The following PIEZO2 variants were observed in gnomAD, a reference collection of about 807,000 sequenced individuals.
PIEZO2 encodes the protein piezo-type mechanosensitive ion channel component 2.
A neutral mutation model predicts 337.3 loss-of-function variants in PIEZO2; 172 were observed. That is an observed-to-expected ratio of 0.51 (90% confidence interval 0.45 to 0.58). The LOEUF (loss-of-function observed/expected upper bound fraction) is 0.58, where lower values mean the gene tolerates loss of function less well. Ranked by LOEUF, PIEZO2 falls within the 20% of genes least tolerant of loss-of-function variation. The pLI is 0.00. For synonymous variants in PIEZO2, 1,251 were observed against 1,228.5 expected, an observed-to-expected ratio of 1.02 and a Z score of -0.38; for missense variants, 3,028 against 3,391.3, an observed-to-expected ratio of 0.89 and a Z score of 2.66.
chr18:10,891,313 ACT>A (rs1598639014), intron 4 of PIEZO2, among the ~76,000 whole-genome samples: 1 of 151,628 alleles, frequency 6.6e-6, no homozygotes, highest in South Asian at 2.1e-4. Flanking sequence ...ACAGACTGAG[ACT>A]CTGTTAAAAA....
intron 1 of PIEZO2, among the ~76,000 whole-genome samples, chr18:11,071,461 G>A (rs566150511): frequency 2.6e-5 from 4 of 152,312 alleles, no homozygotes; most frequent in South Asian, 4.1e-4. Context: ...AGAGCAAAAC[G>A]GAAATGAGAG....
At chr18:10,931,729 AG>A (rs1279313755) in intron 3 of PIEZO2, among the ~76,000 whole-genome samples, 3 of 151,736 alleles carry the variant, frequency 2.0e-5, no homozygotes, top group Non-Finnish European at 2.9e-5. Flanking sequence ...AGAGAGAGAG[AG>A]AGAGAGAGAG....
intron 3 of PIEZO2, among the ~76,000 whole-genome samples, chr18:10,932,073 T>G (rs548188363): frequency 2.0e-5 from 3 of 152,242 alleles, no homozygotes; most frequent in Non-Finnish European, 4.4e-5. Flanking sequence ...GAAAATTGTA[T>G]TAGGTTCTAA....
At position 10,821,892 on chromosome 18, in the gene PIEZO2, T is replaced by C. The variant is rs1236749607; in HGVS notation, c.918-14618A>G. Among the ~76,000 whole-genome samples the C allele has an allele frequency of 6.6e-6, 1 of 152,252 alleles. No individual in the cohort carries two copies. The highest frequency in any genetic ancestry group is 1.9e-4 in the East Asian group (1 of 5,204). Reference sequence around the variant, plus strand: ...TATTGTTTGTAAATTTAAACGTGATTAGAGTCATTGATTACAAATGCAATA... The same window carrying C: ...TATTGTTTGTAAATTTAAACGTGATCAGAGTCATTGATTACAAATGCAATA... On this transcript the variant is annotated intron_variant, in intron 7 of 55. Transcript: ENST00000674853. The surrounding 1 kb of genome is among the most constrained non-coding windows in gnomAD (Gnocchi z 4.2).
At chr18:10,728,823 C>T (rs927070747) in intron 36 of PIEZO2, among the ~76,000 whole-genome samples, 5 of 151,900 alleles carry the variant, frequency 3.3e-5, no homozygotes, top group Admixed American at 6.5e-5. Context: ...GGCATGGTGG[C>T]GGGCGCCTGT....
At chr18:11,098,625 G>C (rs934069776) in intron 1 of PIEZO2, among the ~76,000 whole-genome samples, 7 of 150,712 alleles carry the variant, frequency 4.6e-5, no homozygotes, top group African/African-American at 1.7e-4. Flanking sequence ...AGGTGTTTAG[G>C]TCATGAGGGC....
At position 10,872,017 on chromosome 18, in the gene PIEZO2, C is replaced by T. The variant is rs1009313569; in HGVS notation, c.330-602G>A. ...CTTAGTAGTTGCATCCTGCTGGGGG[C>T]TTCTCACAGCCATCTGTTCTGCTGT... is the stretch of plus-strand genomic sequence containing the variant. On this transcript the variant is annotated intron_variant, in intron 4 of 55. Transcript: ENST00000674853. This position sits in a 1 kb window ranked among gnomAD's most constrained non-coding sequence, Gnocchi z 4.3. Among the ~76,000 whole-genome samples, 2 of 152,198 alleles carry T rather than the reference C, an allele frequency of 1.3e-5. No homozygotes were observed. The highest frequency in any genetic ancestry group is 4.8e-5 in the African/African-American group (2 of 41,440).
chr18:10,864,960 A>T (rs1315274288), intron 5 of PIEZO2, among the ~76,000 whole-genome samples: 1 of 152,180 alleles, frequency 6.6e-6, no homozygotes, highest in Admixed American at 6.5e-5. Context: ...AGCCCCGGAA[A>T]GACAAGAGTC....
rs957845713 is a variant in PIEZO2 at position 10,821,483 on chromosome 18, A to C, written c.918-14209T>G. Among the ~76,000 whole-genome samples the C allele has an allele frequency of 3.3e-5, 5 of 152,220 alleles. No individual in the cohort carries two copies. Among genetic ancestry groups the C allele is most frequent in the Non-Finnish European group, 5.9e-5 (4 of 68,042 alleles). On this transcript the variant is annotated intron_variant, in intron 7 of 55. Transcript: ENST00000674853. This position sits in a 1 kb window ranked among gnomAD's most constrained non-coding sequence, Gnocchi z 4.2. ...AGAAGTAGAATGTTCTGATTAAAAC[A>C]ATATTTTTATCAAAGGCTTACTATA...
rs2040229086 is a variant in PIEZO2, at chr18:11,127,803, A to ATGTGTGTGTT, written c.64+20721_64+20722insAACACACACA. Among the ~76,000 whole-genome samples, 1 of 146,756 alleles carries ATGTGTGTGTT rather than the reference A, an allele frequency of 6.8e-6. No homozygotes were observed. The highest frequency in any genetic ancestry group is 1.5e-5 in the Non-Finnish European group (1 of 67,050). On this transcript the variant is annotated intron_variant, in intron 1 of 55. Transcript: ENST00000674853. The surrounding 1 kb of genome is among the most constrained non-coding windows in gnomAD (Gnocchi z 4.5). ...TGCATATACGTGTGTGTGTGTGTGCATGTGTGTGTGTGTGTGTGTGTGTAT... is the reference window on the plus strand; with the variant it reads ...TGCATATACGTGTGTGTGTGTGTGCATGTGTGTGTTTGTGTGTGTGTGTGTGTGTGTGTAT...
intron 2 of PIEZO2, among the ~76,000 whole-genome samples, chr18:11,043,225 T>C (rs2037183767): frequency 2.1e-5 from 3 of 144,188 alleles, no homozygotes; most frequent in African/African-American, 7.8e-5. Flanking sequence ...AAAGAGGAAA[T>C]ATCTCCTCCC....
chr18:10,878,500 C>T lies in PIEZO2; in HGVS notation c.330-7085G>A, dbSNP rs148276946. 1.1e-3 allele frequency among the ~76,000 whole-genome samples: 167 copies of T among 152,140 alleles called. 1 individual carries two copies. Among genetic ancestry groups the T allele is most frequent in the Middle Eastern group, 0.01 (3 of 294 alleles). ...TATTTGCACATGCAGATTTCATTGT[C>T]AAAATTGGAAGCTATAACTCATTAA... On this transcript the variant is annotated intron_variant, in intron 4 of 55. Transcript: ENST00000674853. This position sits in a 1 kb window ranked among gnomAD's most constrained non-coding sequence, Gnocchi z 4.3.
intron 1 of PIEZO2, among the ~76,000 whole-genome samples, chr18:11,137,099 C>A (rs2040510358): frequency 6.6e-6 from 1 of 152,192 alleles, no homozygotes; most frequent in South Asian, 2.1e-4. Flanking sequence ...CACTGGTGTG[C>A]ACAGTCTCCA....
chr18:10,869,059 C>T (rs1294979733), intron 5 of PIEZO2, among the ~76,000 whole-genome samples: 1 of 152,208 alleles, frequency 6.6e-6, no homozygotes, highest in African/African-American at 2.4e-5. Flanking sequence ...ACTACTACCT[C>T]TCAAATTGGA....
chr18:10,989,737 C>T (rs2035017911), intron 2 of PIEZO2, among the ~76,000 whole-genome samples: 1 of 152,038 alleles, frequency 6.6e-6, no homozygotes, highest in African/African-American at 2.4e-5. Context: ...TATGTTTATA[C>T]AGGGAAGCTA....
chr18:11,063,484 T>C (rs1598903335), intron 2 of PIEZO2, among the ~76,000 whole-genome samples: 1 of 152,250 alleles, frequency 6.6e-6, no homozygotes, highest in South Asian at 2.1e-4. Flanking sequence ...CCTTCTAAGT[T>C]ATGAGACTAA....
At chr18:10,754,992 C>G (rs143772219) in intron 27 of PIEZO2, among the ~76,000 whole-genome samples, 4 of 152,110 alleles carry the variant, frequency 2.6e-5, no homozygotes, top group Non-Finnish European at 4.4e-5. Flanking sequence ...GGAACAGAGC[C>G]TGGCGCAAAG....
intron 36 of PIEZO2, among the ~76,000 whole-genome samples, chr18:10,731,106 T>G (rs894936570): frequency 6.7e-6 from 1 of 150,332 alleles, no homozygotes; most frequent in South Asian, 2.1e-4. Context: ...TTAATATCCA[T>G]GTAAGAAATA....
chr18:10,755,305 G>A (rs548703558), intron 27 of PIEZO2, among the ~76,000 whole-genome samples: 41 of 152,252 alleles, frequency 2.7e-4, no homozygotes, highest in African/African-American at 9.9e-4. Context: ...TGTGTGCTGT[G>A]ACTGCATGAG....
Sources: allele counts gnomAD v4.1 joint callset (sites outside exome capture counted in the v4.1 genomes callset), GRCh38; gene constraint gnomAD v4.1.1; non-coding constraint Gnocchi (gnomAD v3.1); transcripts MANE v1.5; gene names NCBI Gene and HGNC (gene_info 2026-07-23, HGNC 2026-07-21).